Variants in PCDHGA6 observed in about 807,000 individuals in gnomAD.
The protein encoded by PCDHGA6 is protocadherin gamma subfamily A, 6.
PCDHGA6 carries 41 observed loss-of-function variants against 60.6 expected under a neutral mutation model. The ratio of observed to expected loss-of-function variants is 0.68; its 90% confidence interval spans 0.53 to 0.88. The LOEUF is 0.88. Ranked by LOEUF, PCDHGA6 falls within the 40% of genes least tolerant of loss-of-function variation. PCDHGA6 has a pLI of 0.00. For synonymous variants in PCDHGA6, 594 were observed against 524.4 expected (o/e 1.13, Z -1.81); for missense variants, 1,312 against 1,203.0 (o/e 1.09, Z -1.34).
chr5:141,476,831 G>C lies in PCDHGA6; in HGVS notation c.2425-17976G>C, dbSNP rs779348525. ...TCACATCAAGGTGCTGGACGCGAAT[G>C]ACAATGCGCCTGTCTTCAACCAGTC... On this transcript the variant is annotated intron_variant, in intron 1 of 3. Transcript: ENST00000517434. This position sits in a 1 kb window ranked among gnomAD's most constrained non-coding sequence, Gnocchi z 7.6. 1 of 1,613,504 alleles carries C rather than the reference G, an allele frequency of 6.2e-7. No homozygotes were observed. Among genetic ancestry groups the C allele is most frequent in the Non-Finnish European group, 8.5e-7 (1 of 1,180,050 alleles).
At chr5:141,505,302 G>A (rs1733345360) in intron 2 of PCDHGA6, 91 bp from the exon 3 acceptor site, 1 of 1,592,596 alleles carries the variant, frequency 6.3e-7, no homozygotes, top group Admixed American at 1.7e-5. Flanking sequence ...TAGGGTTAGG[G>A]TACTAGGTTT....
chr5:141,441,700 T>TCAAG (rs1409793305), intron 1 of PCDHGA6: 1 of 308,660 alleles, frequency 3.2e-6, no homozygotes, highest in African/African-American at 2.3e-5. Context: ...CCGCGAGCCT[T>TCAAG]CAAGCTCACG....
chr5:141,393,331 G>A (rs2092730399), intron 1 of PCDHGA6: 1 of 1,613,860 alleles, frequency 6.2e-7, no homozygotes. Flanking sequence ...TACCAGCTCA[G>A]CCCCAATCAC....
intron 1 of PCDHGA6, among the ~76,000 whole-genome samples, chr5:141,481,693 C>T (rs755007426): frequency 1.8e-4 from 27 of 152,020 alleles, no homozygotes; most frequent in Admixed American, 7.9e-4. Context: ...GTGGCTCACG[C>T]CTGTAATCCC....
In PCDHGA6 at chr5:141,485,697, A is replaced by G. The variant is rs76923861; in HGVS notation, c.2425-9110A>G. 48,100 of 1,614,036 alleles carry G rather than the reference A, an allele frequency of 0.03. 1,433 individuals carry two copies. Among genetic ancestry groups the G allele is most frequent in the African/African-American group, 0.15 (11,542 of 75,006 alleles). The stretch of plus-strand genomic sequence containing the variant: ...ATTAGCAGCTATAGGCTGAGCTCCA[A>G]TGAACACTTTGCACTGGATGTGAAG... On this transcript the variant is annotated intron_variant, in intron 1 of 3. Transcript: ENST00000517434. The surrounding 1 kb of genome is among the most constrained non-coding windows in gnomAD (Gnocchi z 5.7).
rs2097403311 is a variant in PCDHGA6 at position 141,431,640 on chromosome 5, T to C, written c.2424+55133T>C. 6.2e-7 allele frequency: 1 copy of C among 1,614,094 alleles called. No individual in the cohort carries two copies. The highest frequency in any genetic ancestry group is 8.5e-7 in the Non-Finnish European group (1 of 1,180,040). On this transcript the variant is annotated intron_variant, in intron 1 of 3. Coordinates refer to ENST00000517434, the MANE Select transcript of PCDHGA6 (RefSeq NM_018919.3). This position sits in a 1 kb window ranked among gnomAD's most constrained non-coding sequence, Gnocchi z 4.8. ...GACAAGGCGGCCCAAGTTTTCAAACTAGATTGTAATTCAGGGACAATATCA... is the reference window on the plus strand; with the variant it reads ...GACAAGGCGGCCCAAGTTTTCAAACCAGATTGTAATTCAGGGACAATATCA...
At chr5:141,388,971 CAT>C (rs1456846164) in intron 1 of PCDHGA6, 3 of 1,613,890 alleles carry the variant, frequency 1.9e-6, no homozygotes, top group Non-Finnish European at 2.5e-6. Context: ...GCTGGGAACA[CAT>C]ATTGCTTTGC....
chr5:141,442,894 C>T (rs1173211061), intron 1 of PCDHGA6, among the ~76,000 whole-genome samples: 1 of 152,204 alleles, frequency 6.6e-6, no homozygotes, highest in Non-Finnish European at 1.5e-5. Flanking sequence ...CCCTGCTTAT[C>T]ACTTCTCCTT....
In PCDHGA6 at chr5:141,393,242, C is replaced by T. The variant is rs151037104; in HGVS notation, c.2424+16735C>T. 1,015 of 1,613,778 alleles carry T rather than the reference C, an allele frequency of 6.3e-4. 8 individuals carry two copies. The African/African-American group carries it at 0.012, about 18-fold the overall frequency. ...TCGAAGATCTAGAAGTAAAAATTAA[C>T]GAAATCGCGGTTCCTGGAGCACGTT... is the stretch of plus-strand genomic sequence containing the variant. On this transcript the variant is annotated intron_variant, in intron 1 of 3. Coordinates refer to ENST00000517434, the MANE Select transcript of PCDHGA6 (RefSeq NM_018919.3).
chr5:141,425,242 G>A (rs2096863400), intron 1 of PCDHGA6, among the ~76,000 whole-genome samples: 1 of 152,128 alleles, frequency 6.6e-6, no homozygotes, highest in South Asian at 2.1e-4. Context: ...TAAATAAAAA[G>A]GATATGAGGT....
intron 1 of PCDHGA6, among the ~76,000 whole-genome samples, chr5:141,401,929 G>C (rs2094209014): frequency 6.6e-6 from 1 of 152,122 alleles, no homozygotes; most frequent in Non-Finnish European, 1.5e-5. Context: ...GTGATGCTTA[G>C]AATAATGTTT....
rs1038145479 is a variant in PCDHGA6 at position 141,408,047 on chromosome 5, A to G, written c.2424+31540A>G. The G allele has an allele frequency of 5.6e-6, 7 of 1,243,316 alleles. No individual in the cohort carries two copies. In the African/African-American group the frequency reaches 1.1e-4, roughly 19 times the overall value. The allele number at this position is 1,243,316 out of a possible 1,614,324, so 77.0% of individuals were successfully genotyped here. On this transcript the variant is annotated intron_variant, in intron 1 of 3. Coordinates refer to ENST00000517434, the MANE Select transcript of PCDHGA6 (RefSeq NM_018919.3). ...GAAAGAAGAAAACCAGCTCCCACAC[A>G]GAGCCTCCCGGCTGCGCAGACCTTT...
In PCDHGA6 at chr5:141,491,961, G is replaced by A. The variant is rs891299192; in HGVS notation, c.2425-2846G>A. 3 of 970,010 alleles carry A rather than the reference G, an allele frequency of 3.1e-6. No individual in the cohort carries two copies. The highest frequency in any genetic ancestry group is 4.3e-6 in the Non-Finnish European group (3 of 693,098). 60.1% of individuals were successfully genotyped at this position (970,010 alleles called of 1,614,324 possible). On this transcript the variant is annotated intron_variant, in intron 1 of 3. Transcript: ENST00000517434. This position sits in a 1 kb window ranked among gnomAD's most constrained non-coding sequence, Gnocchi z 6.9. ...GACCCCCACCCCTACACTCAAAAAAGGCCGGGGCCTCCTTCGAGCTTCCGG... is the reference window on the plus strand; with the variant it reads ...GACCCCCACCCCTACACTCAAAAAAAGCCGGGGCCTCCTTCGAGCTTCCGG...
At position 141,376,318 on chromosome 5, in the gene PCDHGA6, G is replaced by A. The variant is rs373956139; in HGVS notation, c.2235G>A (p.Gly745=). The part of the protein sequence containing the change: ...MPGSHFVGVE[G]VRAFLQTYSH... ...GCTCGCACTTTGTGGGCGTGGAAGG[G>A]GTTCGGGCTTTCCTGCAGACCTATT... The change falls in exon 1 of 4, where the codon GGG becomes GGA. Residue 745 remains glycine, a synonymous_variant. Transcript: ENST00000517434. 28 of 1,614,082 alleles carry A rather than the reference G, an allele frequency of 1.7e-5. No individual in the cohort carries two copies. Among genetic ancestry groups the A allele is most frequent in the Non-Finnish European group, 1.9e-5 (23 of 1,180,048 alleles).
intron 1 of PCDHGA6, chr5:141,390,099 C>G: frequency 6.2e-7 from 1 of 1,614,052 alleles, no homozygotes; most frequent in Non-Finnish European, 8.5e-7. Context: ...CGTGGTTCCC[C>G]CCAACTACAG....
intron 1 of PCDHGA6, chr5:141,384,198 C>T (rs539882096): frequency 6.2e-7 from 1 of 1,613,734 alleles, no homozygotes; most frequent in Non-Finnish European, 8.5e-7. Context: ...CTCCCTTGTC[C>T]AGGGAAACTC....
Position 141,489,172 on chromosome 5 carries a change from T to G in PCDHGA6, c.2425-5635T>G. 1 of 1,199,026 alleles carries G rather than the reference T, an allele frequency of 8.3e-7. No individual in the cohort carries two copies. Among genetic ancestry groups the G allele is most frequent in the East Asian group, 2.4e-5 (1 of 42,106 alleles). The allele number at this position is 1,199,026 out of a possible 1,614,324, so 74.3% of individuals were successfully genotyped here. ...ACATAAGAGACTTCAGCTGCTGCATTCCAAGCCCTGGGTCTACCTTGGAGA... is the reference window on the plus strand; with the variant it reads ...ACATAAGAGACTTCAGCTGCTGCATGCCAAGCCCTGGGTCTACCTTGGAGA... On this transcript the variant is annotated intron_variant, in intron 1 of 3. Coordinates refer to ENST00000517434, the MANE Select transcript of PCDHGA6 (RefSeq NM_018919.3). This position sits in a 1 kb window ranked among gnomAD's most constrained non-coding sequence, Gnocchi z 4.5.
chr5:141,505,143 C>G lies in PCDHGA6; in HGVS notation c.2484-250C>G, dbSNP rs578261428. ...CGCCACTGCACTCCAGCCTGGATGA[C>G]AGAGTAAGACCCTGTCTAAAACAAA... On this transcript the variant is annotated intron_variant, in intron 2 of 3. Coordinates refer to ENST00000517434, the MANE Select transcript of PCDHGA6 (RefSeq NM_018919.3). Among the ~76,000 whole-genome samples the G allele has an allele frequency of 3.3e-5, 5 of 152,290 alleles. No homozygotes were observed. The East Asian group carries it at 7.7e-4, about 24-fold the overall frequency.
At position 141,410,454 on chromosome 5, in the gene PCDHGA6, C is replaced by T. The variant is rs199849689; in HGVS notation, c.2424+33947C>T. 5,103 of 1,614,034 alleles carry T rather than the reference C, an allele frequency of 3.2e-3. 16 individuals are homozygous for T. Among genetic ancestry groups the T allele is most frequent in the Non-Finnish European group, 4.0e-3 (4,661 of 1,179,898 alleles). On this transcript the variant is annotated intron_variant, in intron 1 of 3. Transcript: ENST00000517434. ...TACAGTGAGGGGACTTTGCCTTATT[C>T]TTATAATCTGTGCATTGCACATACG... is the stretch of plus-strand genomic sequence containing the variant.
Sources: gnomAD v4.1 joint callset for allele counts (sites outside exome capture counted in the v4.1 genomes callset) on GRCh38, gnomAD v4.1.1 for gene constraint, Gnocchi (gnomAD v3.1) non-coding constraint, MANE v1.5 for transcripts, NCBI Gene and HGNC (gene_info 2026-07-23, HGNC 2026-07-21) for gene names.